The following SV2B variants were observed in gnomAD, a reference collection of about 807,000 sequenced individuals.
SV2B encodes solute carrier family 22 member B2.
Under a neutral mutation model 73.9 loss-of-function variants are expected in SV2B, and 41 were observed. The ratio of observed to expected loss-of-function variants is 0.56; its 90% CI spans 0.43 to 0.72. The LOEUF (loss-of-function observed/expected upper bound fraction) is 0.72. Ranked by LOEUF, SV2B falls within the 30% of genes least tolerant of loss-of-function variation. The pLI is 0.00. For synonymous variants in SV2B, 314 were observed against 314.2 expected, an observed-to-expected ratio of 1.00 and a Z score of 0.01; for missense variants, 764 against 857.8, an observed-to-expected ratio of 0.89 and a Z score of 1.37.
At chr15:91,134,504 A>C (rs183622551) in intron 1 of SV2B, among the ~76,000 whole-genome samples, 5 of 152,316 alleles carry the variant, frequency 3.3e-5, no homozygotes, top group African/African-American at 9.6e-5. Flanking sequence ...AACCTGCAAG[A>C]GAGCGAAAAG....
In SV2B at chr15:91,128,546, C is replaced by T. The variant is rs2042553782; in HGVS notation, c.-392+28183C>T. ...CGTCTGTCTCTCAGTCCCAGTCTCT[C>T]TCAAGGCTAGCCATAGAAACTAGAA... On this transcript the variant is annotated intron_variant, in intron 1 of 12. Coordinates refer to ENST00000394232, the MANE Select transcript of SV2B (RefSeq NM_001323032.3). The surrounding 1 kb of genome is among the most constrained non-coding windows in gnomAD (Gnocchi z 4.2). Among the ~76,000 whole-genome samples the T allele has an allele frequency of 6.6e-6, 1 of 152,208 alleles. No individual in the cohort carries two copies. The highest frequency in any genetic ancestry group is 1.5e-5 in the Non-Finnish European group (1 of 68,040).
chr15:91,182,564 T>C (rs1048582656), intron 1 of SV2B, among the ~76,000 whole-genome samples: 17 of 152,164 alleles, frequency 1.1e-4, no homozygotes, highest in Admixed American at 7.2e-4. Context: ...CAGTCAGCTG[T>C]GGTTGTTCTG....
chr15:91,246,719 TCC>T (rs2047242715), intron 2 of SV2B, among the ~76,000 whole-genome samples: 1 of 102,482 alleles, frequency 9.8e-6, no homozygotes, highest in African/African-American at 1.1e-4. Context: ...TTCAACCTCC[TCC>T]TCCTCCTCCT....
At chr15:91,251,051 A>G (rs932889624) in intron 2 of SV2B, among the ~76,000 whole-genome samples, 2 of 152,228 alleles carry the variant, frequency 1.3e-5, no homozygotes, top group African/African-American at 4.8e-5. Context: ...GCTTTCAAAT[A>G]TACTACAAAA....
intron 1 of SV2B, among the ~76,000 whole-genome samples, chr15:91,119,313 T>C (rs912418123): frequency 2.0e-5 from 3 of 152,224 alleles, no homozygotes; most frequent in Non-Finnish European, 2.9e-5. Context: ...TACTTTGTCA[T>C]TTGAGACGCG....
At chr15:91,217,728 T>TA (rs1249086699) in intron 1 of SV2B, among the ~76,000 whole-genome samples, 1 of 152,252 alleles carries the variant, frequency 6.6e-6, no homozygotes, top group African/African-American at 2.4e-5. Flanking sequence ...TTTTCACAGA[T>TA]ACATGAGAAA....
At chr15:91,102,456 A>G (rs2041756852) in intron 1 of SV2B, 1 of 152,234 alleles carries the variant, frequency 6.6e-6, no homozygotes. Context: ...TTACCCGATC[A>G]TCATATATAA....
At chr15:91,244,071 C>A (rs2047129913) in intron 2 of SV2B, among the ~76,000 whole-genome samples, 1 of 152,178 alleles carries the variant, frequency 6.6e-6, no homozygotes, top group South Asian at 2.1e-4. Context: ...ACTCACTCAA[C>A]TATAATCCTA....
intron 6 of SV2B, among the ~76,000 whole-genome samples, chr15:91,263,345 TGAA>T (rs1404706081): frequency 7.2e-6 from 1 of 139,044 alleles, no homozygotes; most frequent in Admixed American, 7.1e-5. Context: ...CAGACACACA[TGAA>T]GACAGACACA....
rs1251402811 is a variant in SV2B at position 91,106,553 on chromosome 15, T to C, written c.-392+6190T>C. 6.6e-6 allele frequency among the ~76,000 whole-genome samples: 1 copy of C among 152,196 alleles called. No homozygotes were observed. Among genetic ancestry groups the C allele is most frequent in the Non-Finnish European group, 1.5e-5 (1 of 68,024 alleles). On this transcript the variant is annotated intron_variant, in intron 1 of 12. Transcript: ENST00000394232. The surrounding 1 kb of genome is among the most constrained non-coding windows in gnomAD (Gnocchi z 4.4). ...CTCATGGGAGCCTTATTGTGGATCTTATGCACTAAAAAGAGGCTTTAAATG... is the reference window on the plus strand; with the variant it reads ...CTCATGGGAGCCTTATTGTGGATCTCATGCACTAAAAAGAGGCTTTAAATG...
chr15:91,239,289 C>G lies in SV2B; in HGVS notation c.452-12530C>G, dbSNP rs1280352862. Reference sequence around the variant, plus strand: ...TTCATCAATCTCTGCTGGGGATGTGCAGAAAATAGTCCAAAGAAGTTTTGT... The same window carrying G: ...TTCATCAATCTCTGCTGGGGATGTGGAGAAAATAGTCCAAAGAAGTTTTGT... On this transcript the variant is annotated intron_variant, in intron 2 of 12. Coordinates refer to ENST00000394232, the MANE Select transcript of SV2B (RefSeq NM_001323032.3). The surrounding 1 kb of genome is among the most constrained non-coding windows in gnomAD (Gnocchi z 5.1). 6.6e-6 allele frequency among the ~76,000 whole-genome samples: 1 copy of G among 151,882 alleles called. No homozygotes were observed. The highest frequency in any genetic ancestry group is 1.5e-5 in the Non-Finnish European group (1 of 67,982).
intron 1 of SV2B, among the ~76,000 whole-genome samples, chr15:91,167,878 GT>G (rs1467233997): frequency 6.6e-6 from 1 of 152,036 alleles, no homozygotes; most frequent in East Asian, 1.9e-4. Context: ...TTGAAAGTGG[GT>G]AATCAACTCA....
intron 1 of SV2B, among the ~76,000 whole-genome samples, chr15:91,151,081 G>C (rs2043301288): frequency 6.6e-6 from 1 of 152,258 alleles, no homozygotes; most frequent in Non-Finnish European, 1.5e-5. Context: ...TGACCATGGA[G>C]CTGCCTCACC....
chr15:91,149,004 A>G (rs986580290), intron 1 of SV2B, among the ~76,000 whole-genome samples: 1 of 152,240 alleles, frequency 6.6e-6, no homozygotes, highest in Non-Finnish European at 1.5e-5. Context: ...TGGGCACCCC[A>G]TGGACTAATC....
Position 91,245,746 on chromosome 15 carries a change from C to T in SV2B, c.452-6073C>T, listed in dbSNP as rs944031074. Among the ~76,000 whole-genome samples, 1 of 152,034 alleles carries T rather than the reference C, an allele frequency of 6.6e-6. No homozygotes were observed. The highest frequency in any genetic ancestry group is 2.4e-5 in the African/African-American group (1 of 41,392). On this transcript the variant is annotated intron_variant, in intron 2 of 12. Transcript: ENST00000394232. The surrounding 1 kb of genome is among the most constrained non-coding windows in gnomAD (Gnocchi z 4.2). ...ATAAATATATAACATCAAATAGAGACATGTGATACAAAGGAAAAGCAATAG... is the reference window on the plus strand; with the variant it reads ...ATAAATATATAACATCAAATAGAGATATGTGATACAAAGGAAAAGCAATAG...
chr15:91,285,775 A>G (rs531426184), intron 11 of SV2B, among the ~76,000 whole-genome samples: 18 of 152,224 alleles, frequency 1.2e-4, no homozygotes, highest in African/African-American at 4.1e-4. Context: ...CAGCTGAGGA[A>G]GTTCTGGGGG....
rs1381711053 is a variant in SV2B, at chr15:91,239,890, TA to T, written c.452-11927del. Among the ~76,000 whole-genome samples the T allele has an allele frequency of 6.6e-6, 1 of 152,230 alleles. No individual in the cohort carries two copies. Among genetic ancestry groups the T allele is most frequent in the Non-Finnish European group, 1.5e-5 (1 of 68,048 alleles). On this transcript the variant is annotated intron_variant, in intron 2 of 12. Coordinates refer to ENST00000394232, the MANE Select transcript of SV2B (RefSeq NM_001323032.3). This position sits in a 1 kb window ranked among gnomAD's most constrained non-coding sequence, Gnocchi z 5.1. Reference sequence around the variant, plus strand: ...GGTCACAAGATAGCCACCATAGCTCTAATCTAAGTCCCCCGATAATGGCTTT... The same window carrying T: ...GGTCACAAGATAGCCACCATAGCTCTATCTAAGTCCCCCGATAATGGCTTT...
rs771592682 is a variant in SV2B, at chr15:91,268,584, A to G, written c.1352A>G (p.His451Arg). 2.5e-5 allele frequency: 41 copies of G among 1,613,546 alleles called. 1 individual carries two copies. The East Asian group carries it at 6.9e-4, about 27-fold the overall frequency. ...NFTMENQIHQ[H>R]GKLVNDKFTR... Reference sequence around the variant, plus strand: ...ACGATGGAAAATCAGATCCACCAACATGGGAAACTTGTGAATGATAAGTAA... The same window carrying G: ...ACGATGGAAAATCAGATCCACCAACGTGGGAAACTTGTGAATGATAAGTAA... The change falls in exon 9 of 13, where the codon CAT becomes CGT. Residue 451 changes from histidine to arginine, a missense_variant. Transcript: ENST00000394232. The surrounding 1 kb of genome is among the most constrained non-coding windows in gnomAD (Gnocchi z 4.4).
chr15:91,217,856 C>T (rs144262633), intron 1 of SV2B, among the ~76,000 whole-genome samples: 3 of 152,330 alleles, frequency 2.0e-5, no homozygotes, highest in East Asian at 3.9e-4. Flanking sequence ...TCCCTCAATG[C>T]CTTTATGGCA....
Sources: allele counts gnomAD v4.1 joint callset (sites outside exome capture counted in the v4.1 genomes callset), GRCh38; gene constraint gnomAD v4.1.1; non-coding constraint Gnocchi (gnomAD v3.1); transcripts MANE v1.5; gene names NCBI Gene and HGNC (gene_info 2026-07-23, HGNC 2026-07-21).